Variants in CD44 observed in about 807,000 individuals in gnomAD.
CD44 encodes CD44 antigen.
In CD44, 49 loss-of-function variants were observed where a neutral mutation model predicts 88.8. The ratio of observed to expected loss-of-function variants is 0.55; its 90% CI spans 0.44 to 0.70. The LOEUF (loss-of-function observed/expected upper bound fraction) is 0.70, where lower values mean the gene tolerates loss of function less well. Among genes scored for constraint, CD44 ranks in the 30% least tolerant of loss-of-function variants. CD44 has a pLI of 0.00. For synonymous variants in CD44, 325 were observed against 312.3 expected, an observed-to-expected ratio of 1.04 and a Z score of -0.43; for missense variants, 883 against 913.8, an observed-to-expected ratio of 0.97 and a Z score of 0.43.
At chr11:35,143,349 G>T (rs921889513) in intron 1 of CD44, among the ~76,000 whole-genome samples, 1 of 150,758 alleles carries the variant, frequency 6.6e-6, no homozygotes, top group African/African-American at 2.4e-5. Flanking sequence ...AGGAAATACT[G>T]CTCAGTGAGC....
chr11:35,208,955 G>A (rs1029511026), intron 12 of CD44, among the ~76,000 whole-genome samples: 1 of 152,166 alleles, frequency 6.6e-6, no homozygotes, highest in Admixed American at 6.6e-5. Context: ...AAATCAGCAA[G>A]CATGTATTGA....
intron 1 of CD44, among the ~76,000 whole-genome samples, chr11:35,168,036 GGA>G (rs1350464216): frequency 3.3e-5 from 5 of 152,206 alleles, no homozygotes; most frequent in Non-Finnish European, 5.9e-5. Context: ...TCTCCTCTCT[GGA>G]GAGAGAGTGA....
chr11:35,201,251 C>A, intron 8 of CD44, 56 bp downstream of exon 8: 2 of 1,188,544 alleles, frequency 1.7e-6, no homozygotes, highest in Non-Finnish European at 2.5e-6. Context: ...GCCCATGATG[C>A]TGCAAAGGTC....
At chr11:35,182,120 G>C (rs527402578) in intron 3 of CD44, among the ~76,000 whole-genome samples, 1 of 145,118 alleles carries the variant, frequency 6.9e-6, no homozygotes, top group South Asian at 2.1e-4. Context: ...ATATATGGTA[G>C]TAAAATATAA....
At chr11:35,153,304 A>G (rs1941426774) in intron 1 of CD44, among the ~76,000 whole-genome samples, 1 of 152,200 alleles carries the variant, frequency 6.6e-6, no homozygotes, top group South Asian at 2.1e-4. Flanking sequence ...TGGATTTTTT[A>G]GTGGCACAGT....
rs922890139 is a variant in CD44 at position 35,139,312 on chromosome 11, G to A, written c.9G>A (p.Lys3=). 8 of 1,561,528 alleles carry A rather than the reference G, an allele frequency of 5.1e-6. No homozygotes were observed. Among genetic ancestry groups the A allele is most frequent in the Middle Eastern group, 1.7e-4 (1 of 6,008 alleles). The change falls in exon 1 of 18, where the codon AAG becomes AAA. Residue 3 remains lysine (K), a synonymous_variant. Coordinates refer to ENST00000428726, the MANE Select transcript of CD44 (RefSeq NM_000610.4). ...CGTTCGCTCCGGACACCATGGACAAGTTTTGGTGGCACGCAGCCTGGGGAC... is the reference window on the plus strand; with the variant it reads ...CGTTCGCTCCGGACACCATGGACAAATTTTGGTGGCACGCAGCCTGGGGAC... MD[K]FWWHAAWGLC... is the part of the protein sequence containing the mutation.
chr11:35,167,137 A>G (rs922276509), intron 1 of CD44, among the ~76,000 whole-genome samples: 1 of 152,202 alleles, frequency 6.6e-6, no homozygotes, highest in African/African-American at 2.4e-5. Flanking sequence ...TCCTATTAAG[A>G]CAGTGAGTTG....
At chr11:35,217,582 A>G (rs928599985) in intron 15 of CD44, among the ~76,000 whole-genome samples, 2 of 152,230 alleles carry the variant, frequency 1.3e-5, no homozygotes, top group African/African-American at 4.8e-5. Flanking sequence ...AAACACCCAG[A>G]TGTCTGGTAG....
At chr11:35,176,204 A>G (rs1944451457) in intron 1 of CD44, among the ~76,000 whole-genome samples, 1 of 151,886 alleles carries the variant, frequency 6.6e-6, no homozygotes, top group Non-Finnish European at 1.5e-5. Flanking sequence ...CACCACGCCC[A>G]GCTAATTTTT....
At chr11:35,210,966 G>T (rs553067874) in intron 13 of CD44, among the ~76,000 whole-genome samples, 15 of 152,244 alleles carry the variant, frequency 9.9e-5, no homozygotes, top group Non-Finnish European at 2.2e-4. Context: ...GATCACAGTT[G>T]TAGTGACATA....
chr11:35,162,337 A>G (rs1942732312), intron 1 of CD44, among the ~76,000 whole-genome samples: 1 of 152,208 alleles, frequency 6.6e-6, no homozygotes, highest in Admixed American at 6.5e-5. Context: ...GTCTCCTGTC[A>G]TGTATGAGGG....
At chr11:35,222,276 T>C in intron 17 of CD44, 1 of 535,930 alleles carries the variant, frequency 1.9e-6, no homozygotes. Context: ...GTATTGGCCT[T>C]GTGCTTTTGT....
In CD44 at chr11:35,232,271, C is replaced by T. The variant is rs990957768; in HGVS notation, c.*2938C>T. 1 of 152,564 alleles carries T rather than the reference C, an allele frequency of 6.6e-6. No individual in the cohort carries two copies. Among genetic ancestry groups the T allele is most frequent in the Non-Finnish European group, 1.5e-5 (1 of 68,030 alleles). The allele number at this position is 152,564 out of a possible 1,614,324, so 9.5% of individuals were successfully genotyped here. ...GTTACTTTGACTTTTCAGAGCACAC[C>T]CTTCCTCTGGTTTTTGTATATTTAT... On this transcript the variant is annotated 3_prime_UTR_variant, in exon 18 of 18. Transcript: ENST00000428726.
At chr11:35,177,564 T>C (rs1342714690) in intron 2 of CD44, among the ~76,000 whole-genome samples, 1 of 152,224 alleles carries the variant, frequency 6.6e-6, no homozygotes, top group Non-Finnish European at 1.5e-5. Flanking sequence ...CTTTAGGTAA[T>C]ATGATTCCCC....
chr11:35,166,005 GGT>G (rs766782876), intron 1 of CD44, among the ~76,000 whole-genome samples: 11 of 152,112 alleles, frequency 7.2e-5, no homozygotes, highest in African/African-American at 9.7e-5. Flanking sequence ...ATATTGATTA[GGT>G]GATGTATCAG....
At chr11:35,187,625 T>C (rs1393166506) in intron 4 of CD44, among the ~76,000 whole-genome samples, 1 of 152,178 alleles carries the variant, frequency 6.6e-6, no homozygotes, top group African/African-American at 2.4e-5. Flanking sequence ...AATTAAATAA[T>C]GTTCTTAATT....
At chr11:35,158,868 A>G (rs1460199627) in intron 1 of CD44, among the ~76,000 whole-genome samples, 1 of 152,072 alleles carries the variant, frequency 6.6e-6, no homozygotes, top group Non-Finnish European at 1.5e-5. Flanking sequence ...TGGGAAACGC[A>G]CTCCAGGTCC....
chr11:35,189,141 G>A (rs1436292696), intron 4 of CD44, among the ~76,000 whole-genome samples: 1 of 152,096 alleles, frequency 6.6e-6, no homozygotes, highest in Non-Finnish European at 1.5e-5. Context: ...ATTCATTCTA[G>A]TCATTTGTTG....
intron 13 of CD44, among the ~76,000 whole-genome samples, chr11:35,211,011 A>G (rs1193549743): frequency 6.6e-6 from 1 of 152,214 alleles, no homozygotes; most frequent in East Asian, 1.9e-4. Flanking sequence ...TGTTGCAACA[A>G]ATGCCAATTC....
Sources: gnomAD v4.1 joint callset for allele counts (sites outside exome capture counted in the v4.1 genomes callset) on GRCh38, gnomAD v4.1.1 for gene constraint, MANE v1.5 for transcripts, NCBI Gene and HGNC (gene_info 2026-07-23, HGNC 2026-07-21) for gene names.